PCDH7: variants seen among roughly 807,000 people sequenced by gnomAD.
PCDH7 encodes protocadherin-7.
Under a neutral mutation model 58.9 loss-of-function variants are expected in PCDH7, and 17 were observed. That is an observed-to-expected ratio of 0.29 (90% confidence interval 0.20 to 0.43). The LOEUF is 0.43. Ranked by LOEUF, PCDH7 falls within the 20% of genes least tolerant of loss-of-function variation. The probability of loss-of-function intolerance (pLI) is 1.00; values close to 1 mark genes in which losing one functional copy is unlikely to be tolerated. For synonymous variants in PCDH7, 664 were observed against 616.4 expected (o/e 1.08, Z -1.14); for missense variants, 1,274 against 1,441.0 (o/e 0.88, Z 1.88).
intron 3 of PCDH7, among the ~76,000 whole-genome samples, chr4:30,969,501 A>C (rs954075326): frequency 6.6e-6 from 1 of 152,204 alleles, no homozygotes; most frequent in African/African-American, 2.4e-5. Flanking sequence ...TATTCAGAGA[A>C]GACTAGCAAT....
intron 1 of PCDH7, among the ~76,000 whole-genome samples, chr4:30,767,146 A>G (rs920008159): frequency 6.6e-6 from 1 of 152,176 alleles, no homozygotes; most frequent in African/African-American, 2.4e-5. Context: ...CTGAAGTCTT[A>G]GTATCTTTTC....
chr4:30,739,423 G>A (rs776948184), intron 1 of PCDH7, among the ~76,000 whole-genome samples: 1 of 148,206 alleles, frequency 6.7e-6, no homozygotes, highest in East Asian at 1.9e-4. Context: ...TGGCAATAAT[G>A]ATGGTATAAA....
chr4:30,912,960 G>T (rs951619573), intron 1 of PCDH7, among the ~76,000 whole-genome samples: 10 of 151,570 alleles, frequency 6.6e-5, no homozygotes, highest in Non-Finnish European at 1.2e-4. Context: ...ATGATGTGAT[G>T]GTTACTTTCT....
At chr4:30,943,597 TCTCTTCA>T (rs1487996732) in intron 2 of PCDH7, among the ~76,000 whole-genome samples, 1 of 152,150 alleles carries the variant, frequency 6.6e-6, no homozygotes, top group East Asian at 1.9e-4. Context: ...TTCGCCTGCA[TCTCTTCA>T]CTGCTGGCCA....
chr4:31,041,417 C>T (rs796782506), intron 3 of PCDH7, among the ~76,000 whole-genome samples: 17 of 152,242 alleles, frequency 1.1e-4, no homozygotes, highest in African/African-American at 3.9e-4. Context: ...AGAGCATGCT[C>T]CTTGCTTAGC....
intron 3 of PCDH7, among the ~76,000 whole-genome samples, chr4:31,005,371 G>A (rs1384136035): frequency 6.6e-6 from 1 of 152,156 alleles, no homozygotes; most frequent in African/African-American, 2.4e-5. Flanking sequence ...GTGCCACAGG[G>A]GCAGTGGTAG....
At chr4:30,959,254 T>G (rs1748156079) in intron 3 of PCDH7, among the ~76,000 whole-genome samples, 1 of 152,098 alleles carries the variant, frequency 6.6e-6, no homozygotes, top group African/African-American at 2.4e-5. Context: ...GTCTTTTTTT[T>G]TTTTTAAGCC....
chr4:30,929,466 T>C (rs1744288903), intron 2 of PCDH7, among the ~76,000 whole-genome samples: 1 of 152,136 alleles, frequency 6.6e-6, no homozygotes, highest in Non-Finnish European at 1.5e-5. Flanking sequence ...GAAAATATAA[T>C]TGTAAGTTCG....
chr4:30,795,894 G>A (rs1261464715), intron 1 of PCDH7, among the ~76,000 whole-genome samples: 1 of 152,096 alleles, frequency 6.6e-6, no homozygotes, highest in Non-Finnish European at 1.5e-5. Context: ...GAGAATAAGA[G>A]TTTCTATATT....
At chr4:30,963,189 C>A (rs529989910) in intron 3 of PCDH7, among the ~76,000 whole-genome samples, 10 of 152,298 alleles carry the variant, frequency 6.6e-5, no homozygotes, top group Middle Eastern at 3.4e-3. Flanking sequence ...TGGCCTAAAT[C>A]TAATCAATCA....
chr4:30,823,922 CAGTTTCCT>C (rs1460208190), intron 1 of PCDH7, among the ~76,000 whole-genome samples: 1 of 152,068 alleles, frequency 6.6e-6, no homozygotes, highest in Non-Finnish European at 1.5e-5. Context: ...TCAGCAAAAG[CAGTTTCCT>C]TTTATTCCTC....
At chr4:31,044,711 G>A (rs910671198) in intron 3 of PCDH7, among the ~76,000 whole-genome samples, 1 of 151,972 alleles carries the variant, frequency 6.6e-6, no homozygotes, top group Non-Finnish European at 1.5e-5. Flanking sequence ...ATATAATTTG[G>A]TGTTTTAACA....
At chr4:30,921,006 T>C (rs1206510778) in intron 2 of PCDH7, among the ~76,000 whole-genome samples, 1 of 152,144 alleles carries the variant, frequency 6.6e-6, no homozygotes, top group African/African-American at 2.4e-5. Context: ...TTTTATACTG[T>C]TTTGAGGTGA....
At chr4:30,768,680 A>G (rs1721038471) in intron 1 of PCDH7, among the ~76,000 whole-genome samples, 1 of 152,236 alleles carries the variant, frequency 6.6e-6, no homozygotes, top group African/African-American at 2.4e-5. Context: ...ATTTAGCCAG[A>G]TGACAGTGTA....
At chr4:30,907,073 A>G (rs77183272) in intron 1 of PCDH7, among the ~76,000 whole-genome samples, 1 of 152,140 alleles carries the variant, frequency 6.6e-6, no homozygotes, top group East Asian at 1.9e-4. Flanking sequence ...AATTTTTAAA[A>G]TGTGCATTGT....
chr4:30,721,993 A>C lies in PCDH7; in HGVS notation c.571A>C (p.Ser191Arg). Residue 191 changes from serine to arginine, a missense_variant, in exon 1 of 2, where the codon AGC becomes CGC. This residue lies in a region of PCDH7 where 331 missense variants were observed against 303.2 expected (regional missense o/e 1.09). Transcript: ENST00000361762. The surrounding 1 kb of genome is among the most constrained non-coding windows in gnomAD (Gnocchi z 6.7). ...GCTCCAGGAGCCCGGAGGCGGCGGC[A>C]GCGGCGGCGAGAGCCGGCGCGCCGG... The C allele has an allele frequency of 7.7e-7, 1 of 1,294,254 alleles. No individual in the cohort carries two copies. Among genetic ancestry groups the C allele is most frequent in the Non-Finnish European group, 9.8e-7 (1 of 1,023,266 alleles). The allele number at this position is 1,294,254 out of a possible 1,614,324, so 80.2% of individuals were successfully genotyped here.
intron 1 of PCDH7, among the ~76,000 whole-genome samples, chr4:30,807,197 A>C (rs1726335275): frequency 6.6e-6 from 1 of 152,226 alleles, no homozygotes; most frequent in African/African-American, 2.4e-5. Context: ...CATTGTGCTT[A>C]AGCCTGGAAA....
At chr4:30,856,128 T>C (rs1433602479) in intron 1 of PCDH7, among the ~76,000 whole-genome samples, 6 of 152,004 alleles carry the variant, frequency 3.9e-5, no homozygotes, top group Non-Finnish European at 8.8e-5. Flanking sequence ...TTCTCACCCT[T>C]ACACCTAAAT....
At chr4:31,077,333 C>CAGGA (rs1005636705) in intron 3 of PCDH7, among the ~76,000 whole-genome samples, 3 of 146,978 alleles carry the variant, frequency 2.0e-5, no homozygotes, top group Non-Finnish European at 3.0e-5. Context: ...CACTTGAGCC[C>CAGGA]AGGAGGCAGA....
Sources: gnomAD v4.1 joint callset for allele counts (sites outside exome capture counted in the v4.1 genomes callset) on GRCh38, gnomAD v4.1.1 for gene constraint, gnomAD v4.1.1 regional missense constraint, Gnocchi (gnomAD v3.1) non-coding constraint, MANE v1.5 for transcripts, NCBI Gene and HGNC (gene_info 2026-07-23, HGNC 2026-07-21) for gene names.